Variants in EPB41L2 observed in about 807,000 individuals in gnomAD.
The protein encoded by EPB41L2 is erythrocyte membrane protein band 4.1 like 2.
Under a neutral mutation model 113.0 loss-of-function variants are expected in EPB41L2, and 43 were observed. That is an observed-to-expected ratio of 0.38 (90% CI 0.30 to 0.49). EPB41L2 has a LOEUF of 0.49. EPB41L2 is among the 20% of genes least tolerant of loss of function. The pLI is 0.95. For synonymous variants in EPB41L2, 442 were observed against 436.7 expected, an observed-to-expected ratio of 1.01 and a Z score of -0.15; for missense variants, 1,147 against 1,223.4, an observed-to-expected ratio of 0.94 and a Z score of 0.93.
At chr6:130,911,645 A>G (rs1799439013) in intron 4 of EPB41L2, among the ~76,000 whole-genome samples, 1 of 152,196 alleles carries the variant, frequency 6.6e-6, no homozygotes, top group Non-Finnish European at 1.5e-5. Context: ...CTTAAAGCAA[A>G]AAAGACCAAA....
At chr6:131,000,880 C>CATG in intron 1 of EPB41L2, 1 of 152,196 alleles carries the variant, frequency 6.6e-6, no homozygotes, top group Non-Finnish European at 1.5e-5. Flanking sequence ...TAGGAAGCAG[C>CATG]ATTGCTTTTC....
At chr6:130,917,954 G>GT (rs1430017468) in intron 4 of EPB41L2, among the ~76,000 whole-genome samples, 39 of 152,194 alleles carry the variant, frequency 2.6e-4, no homozygotes, top group African/African-American at 8.0e-4. Context: ...AATGTTAAAA[G>GT]TAGTTTTGTC....
intron 19 of EPB41L2, among the ~76,000 whole-genome samples, chr6:130,843,089 T>C (rs1317220478): frequency 6.6e-6 from 1 of 152,244 alleles, no homozygotes; most frequent in Non-Finnish European, 1.5e-5. Context: ...AAGTAACTTA[T>C]TGTACGAAGA....
chr6:130,977,923 C>T lies in EPB41L2; in HGVS notation c.-14-21424G>A, dbSNP rs77368072. Among the ~76,000 whole-genome samples, 3,046 of 152,258 alleles carry T rather than the reference C, an allele frequency of 0.02. 195 individuals carry two copies. In the East Asian group the frequency reaches 0.26, roughly 13 times the overall value. ...TTTCCATGGTCAAAAGGTTCATCTA[C>T]GCCTTTTCCCCTAAAAGTGGTGGAA... On this transcript the variant is annotated intron_variant, in intron 1 of 19. Coordinates refer to ENST00000337057, the MANE Select transcript of EPB41L2 (RefSeq NM_001431.4).
intron 1 of EPB41L2, among the ~76,000 whole-genome samples, chr6:131,052,102 G>T (rs1373483286): frequency 6.6e-6 from 1 of 151,816 alleles, no homozygotes; most frequent in Admixed American, 6.6e-5. Flanking sequence ...ACACCCAGCT[G>T]ATTTTTATAT....
chr6:131,025,669 T>C (rs1479846540), intron 1 of EPB41L2, among the ~76,000 whole-genome samples: 1 of 152,208 alleles, frequency 6.6e-6, no homozygotes, highest in Non-Finnish European at 1.5e-5. Context: ...CTCATTAGTG[T>C]CTGTCATCTA....
chr6:131,043,843 A>G (rs1794899951), intron 1 of EPB41L2, among the ~76,000 whole-genome samples: 1 of 152,178 alleles, frequency 6.6e-6, no homozygotes, highest in Non-Finnish European at 1.5e-5. Context: ...TGGAATGATG[A>G]CATGCCTGGG....
chr6:130,841,719 T>G (rs1583431296), intron 19 of EPB41L2, among the ~76,000 whole-genome samples: 1 of 152,142 alleles, frequency 6.6e-6, no homozygotes, highest in East Asian at 1.9e-4. Flanking sequence ...GTTTGGAGTC[T>G]GGGACCTCAA....
At chr6:130,905,805 C>G (rs775495137) in intron 5 of EPB41L2, among the ~76,000 whole-genome samples, 3 of 152,160 alleles carry the variant, frequency 2.0e-5, no homozygotes. Context: ...ATCCCATTCT[C>G]TTGTTCAGTG....
intron 1 of EPB41L2, among the ~76,000 whole-genome samples, chr6:130,991,261 C>T (rs1183072289): frequency 6.6e-6 from 1 of 152,068 alleles, no homozygotes; most frequent in Non-Finnish European, 1.5e-5. Context: ...TAATGTGTAC[C>T]CCCACAGCTA....
chr6:130,983,363 G>A (rs1779811948), intron 1 of EPB41L2, among the ~76,000 whole-genome samples: 1 of 152,076 alleles, frequency 6.6e-6, no homozygotes, highest in Non-Finnish European at 1.5e-5. Context: ...TATCCTTAAG[G>A]TGATTGGTGA....
chr6:130,870,273 G>A (rs1472364529), intron 14 of EPB41L2, 147 bp from the exon 15 acceptor site: 8 of 1,544,348 alleles, frequency 5.2e-6, no homozygotes, highest in South Asian at 1.2e-5. Context: ...CGGGGCAAAC[G>A]TGAGGGCAAT....
intron 12 of EPB41L2, among the ~76,000 whole-genome samples, chr6:130,884,425 T>C (rs75971531): frequency 1.1e-4 from 17 of 152,278 alleles, no homozygotes; most frequent in Non-Finnish European, 1.9e-4. Flanking sequence ...CAATGTTGCA[T>C]GCAAAAAAAA....
rs66469665 is a variant in EPB41L2 at position 130,848,199 on chromosome 6, TCACACACACACACA to T, written c.*6-7615_*6-7602del. Among the ~76,000 whole-genome samples the T allele has an allele frequency of 3.2e-3, 366 of 113,500 alleles. 2 individuals are homozygous for T. Among genetic ancestry groups the T allele is most frequent in the African/African-American group, 0.012 (298 of 24,842 alleles). The allele number at this position is 113,500 out of a possible 152,430, so 74.5% of individuals were successfully genotyped here. ...CTCTCTCTGTCTCTCTCTCTCTCTC[TCACACACACACACA>T]CACACACACACACACACACACACAC... On this transcript the variant is annotated intron_variant, in intron 19 of 19. Coordinates refer to ENST00000337057, the MANE Select transcript of EPB41L2 (RefSeq NM_001431.4).
At chr6:130,866,613 T>C (rs1783838841) in intron 16 of EPB41L2, among the ~76,000 whole-genome samples, 1 of 152,224 alleles carries the variant, frequency 6.6e-6, no homozygotes, top group African/African-American at 2.4e-5. Flanking sequence ...TTCAGATGTG[T>C]TTCACACATG....
At chr6:130,950,489 GAA>G (rs1053017457) in intron 3 of EPB41L2, among the ~76,000 whole-genome samples, 1 of 150,766 alleles carries the variant, frequency 6.6e-6, no homozygotes, top group Non-Finnish European at 1.5e-5. Context: ...ACTAACTCGG[GAA>G]AAAAAAATTT....
intron 1 of EPB41L2, among the ~76,000 whole-genome samples, chr6:131,011,491 T>C (rs76420839): frequency 0.012 from 1,765 of 152,342 alleles, 43 homozygotes; most frequent in African/African-American, 0.041. Context: ...GAAAATTCCA[T>C]GTAACCATTG....
intron 19 of EPB41L2, among the ~76,000 whole-genome samples, chr6:130,847,142 T>A (rs1183570102): frequency 6.6e-6 from 1 of 152,246 alleles, no homozygotes; most frequent in African/African-American, 2.4e-5. Flanking sequence ...CGATGGAGGT[T>A]TGCTTTTCCC....
chr6:131,036,413 T>C (rs747521029), intron 1 of EPB41L2, among the ~76,000 whole-genome samples: 105 of 151,892 alleles, frequency 6.9e-4, no homozygotes, highest in South Asian at 1.7e-3. Context: ...AAAACAATAA[T>C]AGCATCTTAA....
Sources: allele counts gnomAD v4.1 joint callset (sites outside exome capture counted in the v4.1 genomes callset), GRCh38; gene constraint gnomAD v4.1.1; transcripts MANE v1.5; gene names NCBI Gene and HGNC (gene_info 2026-07-23, HGNC 2026-07-21).